PDE1A: variants seen among roughly 807,000 people sequenced by gnomAD.
PDE1A encodes phosphodiesterase 1A, also known as dual specificity calcium/calmodulin-dependent 3',5'-cyclic nucleotide phosphodiesterase 1A.
A neutral mutation model predicts 61.7 loss-of-function variants in PDE1A; 35 were observed. The observed-to-expected ratio is 0.57, with a 90% CI of 0.43 to 0.75. PDE1A has a LOEUF of 0.75. Among genes scored for constraint, PDE1A ranks in the 30% least tolerant of loss-of-function variants. The pLI is 0.00. For missense variants in PDE1A, 597 were observed against 630.6 expected, an observed-to-expected ratio of 0.95 and a Z score of 0.57; for synonymous variants, 232 against 213.2, an observed-to-expected ratio of 1.09 and a Z score of -0.77.
At chr2:182,393,258 G>T (rs1009822637) in intron 1 of PDE1A, among the ~76,000 whole-genome samples, 2 of 152,198 alleles carry the variant, frequency 1.3e-5, no homozygotes, top group Non-Finnish European at 2.9e-5. Context: ...CAAGGTTTGG[G>T]GCTTGCACCC....
intron 2 of PDE1A, among the ~76,000 whole-genome samples, chr2:182,500,734 A>G (rs1444049559): frequency 6.6e-6 from 1 of 152,262 alleles, no homozygotes; most frequent in African/African-American, 2.4e-5. Context: ...TCCATTTCCA[A>G]AAGGCCAAAA....
the PDE1A span, among the ~76,000 whole-genome samples, chr2:182,668,935 T>A: frequency 6.6e-6 from 1 of 152,206 alleles, no homozygotes; most frequent in South Asian, 2.1e-4. Context: ...AGTATGAGCT[T>A]AACAAACAGG....
rs891151016 is a variant in PDE1A, at chr2:182,336,919, T to C, written c.54-72505A>G. ...GTGCAGCAAACCACCATGGCACACATAGACCTAAGTAACAAACCTGCAGGT... is the reference window on the plus strand; with the variant it reads ...GTGCAGCAAACCACCATGGCACACACAGACCTAAGTAACAAACCTGCAGGT... On this transcript the variant is annotated intron_variant, in intron 1 of 13. Transcript: ENST00000351439. Among the ~76,000 whole-genome samples the C allele has an allele frequency of 3.3e-5, 5 of 149,620 alleles. No individual in the cohort carries two copies. In the South Asian group the frequency reaches 6.3e-4, roughly 19 times the overall value.
the PDE1A span, among the ~76,000 whole-genome samples, chr2:182,603,230 A>G: frequency 1.4e-5 from 2 of 147,492 alleles, 1 homozygote; most frequent in Non-Finnish European, 3.0e-5. Flanking sequence ...ATAATTGTTT[A>G]GGAAAATATC....
At chr2:182,572,304 C>G in the PDE1A span, among the ~76,000 whole-genome samples, 1 of 152,128 alleles carries the variant, frequency 6.6e-6, no homozygotes, top group Non-Finnish European at 1.5e-5. Flanking sequence ...ATAATCTCTC[C>G]TCTTCTGGCA....
chr2:182,596,708 T>C, the PDE1A span, among the ~76,000 whole-genome samples: 1 of 151,214 alleles, frequency 6.6e-6, no homozygotes, highest in Non-Finnish European at 1.5e-5. Context: ...GATGGATGGA[T>C]GGATGGATGG....
At chr2:182,474,187 G>T (rs745707040) in intron 2 of PDE1A, among the ~76,000 whole-genome samples, 1 of 151,806 alleles carries the variant, frequency 6.6e-6, no homozygotes, top group African/African-American at 2.4e-5. Flanking sequence ...TAAAGTGATG[G>T]GTAACCATGA....
chr2:182,416,098 A>G (rs1234740673), intron 1 of PDE1A, among the ~76,000 whole-genome samples: 1 of 152,208 alleles, frequency 6.6e-6, no homozygotes, highest in Non-Finnish European at 1.5e-5. Context: ...ATGGGGAGCT[A>G]TATGGTTTCA....
the PDE1A span, among the ~76,000 whole-genome samples, chr2:182,627,314 T>TAA: frequency 2.5e-5 from 2 of 79,600 alleles, no homozygotes; most frequent in East Asian, 4.0e-4. Flanking sequence ...AAATAAAATA[T>TAA]ATATATTATA....
chr2:182,161,591 G>A (rs1272458158), intron 13 of PDE1A, among the ~76,000 whole-genome samples: 1 of 152,070 alleles, frequency 6.6e-6, no homozygotes, highest in Non-Finnish European at 1.5e-5. Flanking sequence ...GCAAGACAAT[G>A]CTGATTCTCC....
intron 2 of PDE1A, among the ~76,000 whole-genome samples, chr2:182,483,479 A>G (rs528438643): frequency 1.3e-5 from 2 of 152,006 alleles, no homozygotes; most frequent in South Asian, 4.1e-4. Flanking sequence ...ACAATAATCA[A>G]TTAGAAACTG....
chr2:182,432,910 G>C (rs1704027828), intron 2 of PDE1A, among the ~76,000 whole-genome samples: 1 of 151,976 alleles, frequency 6.6e-6, no homozygotes, highest in African/African-American at 2.4e-5. Flanking sequence ...GGGCTTCTCT[G>C]ATCAATTGCC....
At chr2:182,199,822 T>C (rs1372244690) in intron 10 of PDE1A, among the ~76,000 whole-genome samples, 1 of 152,182 alleles carries the variant, frequency 6.6e-6, no homozygotes, top group Non-Finnish European at 1.5e-5. Context: ...TCTAGGAATA[T>C]AAATTGCAAT....
At chr2:182,678,874 T>A in the PDE1A span, among the ~76,000 whole-genome samples, 1 of 152,188 alleles carries the variant, frequency 6.6e-6, no homozygotes, top group Non-Finnish European at 1.5e-5. Flanking sequence ...TACTTTCTAA[T>A]GTTTCATTGC....
At chr2:182,609,805 C>T in the PDE1A span, among the ~76,000 whole-genome samples, 13 of 150,908 alleles carry the variant, frequency 8.6e-5, no homozygotes, top group African/African-American at 1.9e-4. Flanking sequence ...GAAAAAGAAA[C>T]GGATGGGGCA....
chr2:182,150,364 T>C (rs979966947), intron 13 of PDE1A, among the ~76,000 whole-genome samples: 6 of 152,104 alleles, frequency 3.9e-5, no homozygotes, highest in African/African-American at 1.5e-4. Context: ...CATAAATAGA[T>C]AACCTGAAGT....
the PDE1A span, among the ~76,000 whole-genome samples, chr2:182,659,746 G>A: frequency 6.6e-6 from 1 of 152,174 alleles, no homozygotes. Flanking sequence ...TCGCTGCTAA[G>A]CATTATGAGA....
At chr2:182,633,669 TA>T in the PDE1A span, among the ~76,000 whole-genome samples, 3 of 152,210 alleles carry the variant, frequency 2.0e-5, no homozygotes, top group African/African-American at 7.2e-5. Context: ...ATCTTGCCCC[TA>T]TTTCAGATAT....
chr2:182,396,001 C>T (rs1396204750), intron 1 of PDE1A, among the ~76,000 whole-genome samples: 2 of 152,182 alleles, frequency 1.3e-5, no homozygotes, highest in East Asian at 3.9e-4. Context: ...AGCATTCAGT[C>T]ATCAAATGGA....
Sources: gnomAD v4.1 joint callset for allele counts (sites outside exome capture counted in the v4.1 genomes callset) on GRCh38, gnomAD v4.1.1 for gene constraint, MANE v1.5 for transcripts, NCBI Gene and HGNC (gene_info 2026-07-23, HGNC 2026-07-21) for gene names.